Variants in ARHGAP42 observed in about 807,000 individuals in gnomAD.
ARHGAP42 encodes the protein rho GTPase-activating protein 42.
Under a neutral mutation model 125.0 loss-of-function variants are expected in ARHGAP42, and 63 were observed. That is an observed-to-expected ratio of 0.50 (90% CI 0.41 to 0.62). ARHGAP42 has a LOEUF of 0.62. Among genes scored for constraint, ARHGAP42 ranks in the 20% least tolerant of loss-of-function variants. The probability of loss-of-function intolerance (pLI) is 0.00; values close to 1 mark genes in which losing one functional copy is unlikely to be tolerated. For synonymous variants in ARHGAP42, 339 were observed against 351.0 expected (o/e 0.97, Z 0.38); for missense variants, 766 against 1,024.2 (o/e 0.75, Z 3.44).
chr11:100,898,808 A>AT (rs1866434079), intron 4 of ARHGAP42, among the ~76,000 whole-genome samples: 1 of 151,918 alleles, frequency 6.6e-6, no homozygotes, highest in African/African-American at 2.4e-5. Context: ...GGATTCACTG[A>AT]TTTTTTTGAA....
intron 1 of ARHGAP42, among the ~76,000 whole-genome samples, chr11:100,708,458 A>G (rs534519768): frequency 7.2e-4 from 109 of 152,316 alleles, no homozygotes; most frequent in African/African-American, 2.6e-3. Context: ...GGCTGCAGTG[A>G]GCCATGATGA....
chr11:100,904,343 T>A (rs1352102850), intron 4 of ARHGAP42, among the ~76,000 whole-genome samples: 1 of 151,824 alleles, frequency 6.6e-6, no homozygotes, highest in African/African-American at 2.4e-5. Context: ...GCCTCTCAGA[T>A]TCAAGCGATT....
intron 1 of ARHGAP42, among the ~76,000 whole-genome samples, chr11:100,704,779 G>A (rs1484639156): frequency 6.6e-6 from 1 of 151,620 alleles, no homozygotes; most frequent in Non-Finnish European, 1.5e-5. Context: ...GGCAAAGCAA[G>A]AATCCCCGCC....
rs76281936 is a variant in ARHGAP42, at chr11:100,855,386, T to C, written c.313-4168T>C. ...AATCAAAACCTGGAAAGGGAAGTAG[T>C]GTAAAAATAAAATTGTTAAGAGACA... On this transcript the variant is annotated intron_variant, in intron 3 of 23. Transcript: ENST00000298815. Among the ~76,000 whole-genome samples the C allele has an allele frequency of 8.1e-3, 1,226 of 152,214 alleles. 15 individuals carry two copies. Among genetic ancestry groups the C allele is most frequent in the South Asian group, 0.037 (177 of 4,826 alleles).
chr11:100,932,361 T>A (rs975613826), intron 6 of ARHGAP42, among the ~76,000 whole-genome samples: 4 of 152,304 alleles, frequency 2.6e-5, no homozygotes, highest in Non-Finnish European at 5.9e-5. Context: ...AAAGATTAGG[T>A]TAGGAGACAA....
intron 12 of ARHGAP42, 91 bp downstream of exon 12, chr11:100,950,047 G>C: frequency 1.4e-6 from 1 of 719,712 alleles, no homozygotes; most frequent in Middle Eastern, 4.2e-4. Context: ...TGGGGAAATA[G>C]TATAACACCA....
intron 4 of ARHGAP42, among the ~76,000 whole-genome samples, chr11:100,896,490 G>C (rs561254928): frequency 3.6e-4 from 55 of 152,186 alleles, no homozygotes; most frequent in African/African-American, 1.3e-3. Context: ...TCCACATCCT[G>C]TCCAGGATCT....
Position 100,728,968 on chromosome 11 carries a change from C to T in ARHGAP42, c.154+41136C>T, listed in dbSNP as rs142388625. Among the ~76,000 whole-genome samples the T allele has an allele frequency of 2.8e-3, 420 of 151,840 alleles. 2 individuals carry two copies. The highest frequency in any genetic ancestry group is 9.5e-3 in the African/African-American group (395 of 41,472). On this transcript the variant is annotated intron_variant, in intron 1 of 23. Coordinates refer to ENST00000298815, the MANE Select transcript of ARHGAP42 (RefSeq NM_152432.4). ...ATTTTCAGTAGAGATGGGGTTTTGC[C>T]ATGTTGGCCAGGCTGGTCCTGAAAT...
In ARHGAP42 at chr11:100,779,567, T is replaced by TATACGTATATATATACGTATAC. The variant is rs1332484420; in HGVS notation, c.250+9142_250+9143insTACGTATACATACGTATATATA. Among the ~76,000 whole-genome samples, 63 of 146,958 alleles carry TATACGTATATATATACGTATAC rather than the reference T, an allele frequency of 4.3e-4. 2 individuals carry two copies. The East Asian group carries it at 7.3e-3, about 17-fold the overall frequency. On this transcript the variant is annotated intron_variant, in intron 2 of 23. Transcript: ENST00000298815. Reference sequence around the variant, plus strand: ...ATATATATACATATACATACGTATATATACGTATATATACATATATACGTG... The same window carrying TATACGTATATATATACGTATAC: ...ATATATATACATATACATACGTATATATACGTATATATATACGTATACATACGTATATATACATATATACGTG...
intron 4 of ARHGAP42, among the ~76,000 whole-genome samples, chr11:100,899,700 T>G (rs1266978680): frequency 6.8e-5 from 10 of 147,528 alleles, no homozygotes; most frequent in South Asian, 4.3e-4. Context: ...TGTTTTGTTT[T>G]TTTTGTTTTG....
intron 2 of ARHGAP42, among the ~76,000 whole-genome samples, chr11:100,779,461 A>ATATATAT (rs1215941883): frequency 2.5e-5 from 2 of 80,448 alleles, no homozygotes; most frequent in East Asian, 4.2e-4. Flanking sequence ...AAAAAAAAAA[A>ATATATAT]AAAAAAATAT....
intron 3 of ARHGAP42, chr11:100,859,347 CA>C (rs1365925288): frequency 2.3e-6 from 1 of 426,138 alleles, no homozygotes; most frequent in Non-Finnish European, 4.1e-6. Flanking sequence ...TCGTATTTTT[CA>C]CATTGTTGTT....
chr11:100,876,322 A>C (rs939062505), intron 4 of ARHGAP42, among the ~76,000 whole-genome samples: 7 of 152,216 alleles, frequency 4.6e-5, no homozygotes, highest in Non-Finnish European at 1.0e-4. Flanking sequence ...GTTTAGGGCT[A>C]TAGCTTAGCA....
At chr11:100,886,280 G>C (rs1481662208) in intron 4 of ARHGAP42, among the ~76,000 whole-genome samples, 1 of 152,082 alleles carries the variant, frequency 6.6e-6, no homozygotes, top group African/African-American at 2.4e-5. Flanking sequence ...TCATCGATTT[G>C]TTTGAATCTA....
In ARHGAP42 at chr11:100,854,619, G is replaced by A. The variant is rs541470871; in HGVS notation, c.313-4935G>A. 1.1e-4 allele frequency among the ~76,000 whole-genome samples: 16 copies of A among 152,184 alleles called. No homozygotes were observed. In the South Asian group the frequency reaches 1.2e-3, roughly 12 times the overall value. On this transcript the variant is annotated intron_variant, in intron 3 of 23. Coordinates refer to ENST00000298815, the MANE Select transcript of ARHGAP42 (RefSeq NM_152432.4). ...CTCGTGTATCCATCCTCTATACCTC[G>A]TGTGAGTTTTGGCCATTGAGATCTA...
chr11:100,978,833 A>T (rs920909769), intron 21 of ARHGAP42, among the ~76,000 whole-genome samples, 154 bp from the exon 22 acceptor site: 1 of 152,212 alleles, frequency 6.6e-6, no homozygotes, highest in Non-Finnish European at 1.5e-5. Context: ...AATCTCATTG[A>T]CATTAAAGGT....
intron 2 of ARHGAP42, among the ~76,000 whole-genome samples, chr11:100,786,712 G>C (rs116855822): frequency 6.6e-6 from 1 of 152,270 alleles, no homozygotes; most frequent in Non-Finnish European, 1.5e-5. Context: ...TCACCCTGGA[G>C]TCATCATAAT....
chr11:100,970,395 T>A (rs6590834), intron 17 of ARHGAP42, among the ~76,000 whole-genome samples: 68,946 of 151,962 alleles, frequency 0.45, 17,286 homozygotes, highest in African/African-American at 0.64. Context: ...ATGACCACAG[T>A]CACCCAGGGA....
intron 2 of ARHGAP42, among the ~76,000 whole-genome samples, chr11:100,791,296 T>A (rs1347418187): frequency 6.6e-6 from 1 of 152,150 alleles, no homozygotes; most frequent in Non-Finnish European, 1.5e-5. Flanking sequence ...TGACTGGAGA[T>A]CCCCATCAGC....
Sources: gnomAD v4.1 joint callset for allele counts (sites outside exome capture counted in the v4.1 genomes callset) on GRCh38, gnomAD v4.1.1 for gene constraint, MANE v1.5 for transcripts, NCBI Gene and HGNC (gene_info 2026-07-23, HGNC 2026-07-21) for gene names.